ATG13: variants seen among roughly 807,000 people sequenced by gnomAD.
ATG13 encodes the protein autophagy-related protein 13.
A neutral mutation model predicts 65.5 loss-of-function variants in ATG13; 23 were observed. The observed-to-expected ratio is 0.35, with a 90% CI of 0.25 to 0.50. The LOEUF (loss-of-function observed/expected upper bound fraction) is 0.50, where lower values mean the gene tolerates loss of function less well. Ranked by LOEUF, ATG13 falls within the 20% of genes least tolerant of loss-of-function variation. The pLI, the probability that ATG13 is intolerant of heterozygous loss-of-function variation, is 0.98. For missense variants in ATG13, 566 were observed against 677.0 expected (o/e 0.84, Z 1.82); for synonymous variants, 252 against 245.2 (o/e 1.03, Z -0.26).
At chr11:46,657,385 T>C in intron 9 of ATG13, 139 bp from the exon 10 acceptor site, 1 of 968,266 alleles carries the variant, frequency 1.0e-6, no homozygotes, top group South Asian at 1.5e-5. Flanking sequence ...GTAGGATTGG[T>C]GGTTTATATT....
At chr11:46,657,486 A>G in intron 9 of ATG13, 38 bp from the exon 10 acceptor site, 1 of 1,589,096 alleles carries the variant, frequency 6.3e-7, no homozygotes, top group Non-Finnish European at 8.6e-7. Flanking sequence ...CTGGAAAGGC[A>G]TTCTAACAAA....
At chr11:46,648,932 G>T in intron 5 of ATG13, 2 of 400,080 alleles carry the variant, frequency 5.0e-6, no homozygotes, top group South Asian at 7.1e-5. Flanking sequence ...ATTCCATGAC[G>T]TATTTATTAA....
At chr11:46,656,147 T>A in intron 7 of ATG13, 86 bp from the exon 8 acceptor site, 2 of 1,226,422 alleles carry the variant, frequency 1.6e-6, no homozygotes, top group Non-Finnish European at 2.4e-6. Flanking sequence ...GAAGGCTTTG[T>A]TTTATTTTGT....
At chr11:46,657,279 C>A in intron 9 of ATG13, 88 bp downstream of exon 9, 1 of 1,282,844 alleles carries the variant, frequency 7.8e-7, no homozygotes, top group Non-Finnish European at 1.1e-6. Flanking sequence ...ACCTACAATT[C>A]AGCTTTGCTG....
At chr11:46,652,135 C>G (rs1351184230) in intron 7 of ATG13, among the ~76,000 whole-genome samples, 2 of 152,078 alleles carry the variant, frequency 1.3e-5, no homozygotes, top group Admixed American at 1.3e-4. Flanking sequence ...GTAATCCCAG[C>G]TACTCGGGAG....
chr11:46,647,611 A>G (rs1591853552), intron 5 of ATG13, among the ~76,000 whole-genome samples: 1 of 151,358 alleles, frequency 6.6e-6, no homozygotes, highest in Admixed American at 6.6e-5. Context: ...TCACTCTGTC[A>G]CCCAGGCTGG....
intron 2 of ATG13, among the ~76,000 whole-genome samples, chr11:46,642,304 GTTTTTT>G (rs200225497): frequency 1.2e-4 from 13 of 107,922 alleles, no homozygotes; most frequent in Non-Finnish European, 1.9e-4. Context: ...ATTTTTGTGG[GTTTTTT>G]TTTTTTTTTT....
At position 46,654,281 on chromosome 11, in the gene ATG13, TTTTATA is replaced by T. The variant is rs1210620009; in HGVS notation, c.459-1950_459-1945del. Among the ~76,000 whole-genome samples, 581 of 81,918 alleles carry T rather than the reference TTTTATA, an allele frequency of 7.1e-3. 19 individuals are homozygous for T. Among genetic ancestry groups the T allele is most frequent in the African/African-American group, 0.029 (479 of 16,756 alleles). 53.7% of individuals were successfully genotyped at this position (81,918 alleles called of 152,430 possible). A position where few individuals can be genotyped will look rare whatever the true frequency, so the allele number is the denominator to read the frequency against. ...GACCTCATCACTACTATTTTTAAAATTTTATATATATATATATATATATATATATGT... is the reference window on the plus strand; with the variant it reads ...GACCTCATCACTACTATTTTTAAAATTATATATATATATATATATATATGT... On this transcript the variant is annotated intron_variant, in intron 7 of 18. Transcript: ENST00000683050.
intron 2 of ATG13, among the ~76,000 whole-genome samples, chr11:46,633,028 T>TATATATATA (rs1565448175): frequency 3.3e-5 from 2 of 60,798 alleles, no homozygotes; most frequent in East Asian, 4.8e-4. Flanking sequence ...ATATATATAT[T>TATATATATA]TTTTTTTTTT....
chr11:46,671,124 C>T (rs2063625689), intron 18 of ATG13, among the ~76,000 whole-genome samples: 1 of 152,188 alleles, frequency 6.6e-6, no homozygotes, highest in African/African-American at 2.4e-5. Context: ...GTAGCCAGTT[C>T]TGAGGCCTCC....
intron 1 of ATG13, among the ~76,000 whole-genome samples, chr11:46,626,453 T>C (rs1028026748): frequency 2.6e-5 from 4 of 152,076 alleles, no homozygotes; most frequent in Non-Finnish European, 5.9e-5. Flanking sequence ...TTTCACCATA[T>C]TGGCCAGGCT....
At position 46,664,707 on chromosome 11, in the gene ATG13, C is replaced by T. The variant is rs1451510997; in HGVS notation, c.889-142C>T. The T allele has an allele frequency of 5.9e-6, 4 of 680,808 alleles. No homozygotes were observed. In the East Asian group the frequency reaches 7.8e-5, roughly 13 times the overall value. 42.2% of individuals were successfully genotyped at this position (680,808 alleles called of 1,614,324 possible). A position where few individuals can be genotyped will look rare whatever the true frequency, so the allele number is the denominator to read the frequency against. ...GGCCTCATCTGTCCCTAACCCCTATCACGTCAGGCCCCCTGCACTGTGGGC... is the reference window on the plus strand; with the variant it reads ...GGCCTCATCTGTCCCTAACCCCTATTACGTCAGGCCCCCTGCACTGTGGGC... On this transcript the variant is annotated intron_variant, in intron 12 of 18. Coordinates refer to ENST00000683050, the MANE Select transcript of ATG13 (RefSeq NM_001346311.2).
chr11:46,623,420 T>G (rs879785408), intron 1 of ATG13, among the ~76,000 whole-genome samples: 2 of 152,050 alleles, frequency 1.3e-5, no homozygotes, highest in African/African-American at 2.4e-5. Context: ...CTAGTTTTGT[T>G]TTTTTGTTTT....
chr11:46,670,428 C>A (rs2063448125), intron 18 of ATG13, among the ~76,000 whole-genome samples: 1 of 150,634 alleles, frequency 6.6e-6, no homozygotes, highest in African/African-American at 2.4e-5. Context: ...TTGCAGTGAG[C>A]CAAGATTGGA....
intron 7 of ATG13, among the ~76,000 whole-genome samples, chr11:46,652,538 T>C (rs1156514711): frequency 6.6e-6 from 1 of 151,964 alleles, no homozygotes; most frequent in Non-Finnish European, 1.5e-5. Context: ...AACATAGTGA[T>C]ACCTTGTCTC....
At chr11:46,653,760 G>A (rs1367798066) in intron 7 of ATG13, among the ~76,000 whole-genome samples, 7 of 151,478 alleles carry the variant, frequency 4.6e-5, no homozygotes, top group Non-Finnish European at 8.8e-5. Flanking sequence ...TAGTAGAGAC[G>A]GGGTTTCACC....
At chr11:46,634,583 CAG>C (rs1336855969) in intron 2 of ATG13, among the ~76,000 whole-genome samples, 1 of 151,716 alleles carries the variant, frequency 6.6e-6, no homozygotes, top group Admixed American at 6.6e-5. Context: ...TTAGTAGAGA[CAG>C]GGTTTTACCA....
chr11:46,625,995 G>A (rs921167881), intron 1 of ATG13, among the ~76,000 whole-genome samples: 2 of 151,934 alleles, frequency 1.3e-5, no homozygotes, highest in Non-Finnish European at 2.9e-5. Context: ...GGAGTCTGTC[G>A]CCCAGGCTGG....
intron 1 of ATG13, among the ~76,000 whole-genome samples, chr11:46,624,010 A>T (rs1440925938): frequency 2.8e-5 from 4 of 143,896 alleles, no homozygotes; most frequent in Non-Finnish European, 4.6e-5. Flanking sequence ...AAATTCAGGA[A>T]TTTTTTTTTT....
Sources: gnomAD v4.1 joint callset for allele counts (sites outside exome capture counted in the v4.1 genomes callset) on GRCh38, gnomAD v4.1.1 for gene constraint, MANE v1.5 for transcripts, NCBI Gene and HGNC (gene_info 2026-07-23, HGNC 2026-07-21) for gene names.